TNRC6B: variants seen among roughly 807,000 people sequenced by gnomAD.
The protein encoded by TNRC6B is trinucleotide repeat-containing gene 6B protein.
A neutral mutation model predicts 203.6 loss-of-function variants in TNRC6B; 52 were observed. The ratio of observed to expected loss-of-function variants is 0.26; its 90% CI spans 0.20 to 0.32. The LOEUF (loss-of-function observed/expected upper bound fraction) is 0.32, where lower values mean the gene tolerates loss of function less well. TNRC6B is among the 10% of genes least tolerant of loss of function. The probability of loss-of-function intolerance (pLI) is 1.00; values close to 1 mark genes in which losing one functional copy is unlikely to be tolerated. For synonymous variants in TNRC6B, 838 were observed against 845.7 expected (o/e 0.99, Z 0.16); for missense variants, 1,923 against 2,286.2 (o/e 0.84, Z 3.24).
In TNRC6B at chr22:40,286,114, C is replaced by A. The variant is rs148558382; in HGVS notation, c.3708+344C>A. ...TTGAAACTGCATATAATTAAAACTG[C>A]TTTATAAGTTCTGATGTGTCAATGT... On this transcript the variant is annotated intron_variant, in intron 12 of 22. Coordinates refer to ENST00000454349, the MANE Select transcript of TNRC6B (RefSeq NM_001162501.2). Among the ~76,000 whole-genome samples the A allele has an allele frequency of 2.6e-3, 395 of 152,290 alleles. 4 individuals carry two copies. Among genetic ancestry groups the A allele is most frequent in the Admixed American group, 7.1e-3 (108 of 15,296 alleles).
intron 1 of TNRC6B, among the ~76,000 whole-genome samples, chr22:40,057,015 T>A (rs879458587): frequency 2.6e-5 from 4 of 152,128 alleles, no homozygotes; most frequent in Non-Finnish European, 5.9e-5. Context: ...TGGGTTCTCA[T>A]CTTGGATACC....
In TNRC6B at chr22:40,328,080, CTG is replaced by C. The variant is rs1380766356; in HGVS notation, c.*4842_*4843del. ...GAAAAGAGTTCAGATCTCTGAGACACTGTGAAGAAATGGATGGCTCATGTAAC... is the reference window on the plus strand; with the variant it reads ...GAAAAGAGTTCAGATCTCTGAGACACTGAAGAAATGGATGGCTCATGTAAC... On this transcript the variant is annotated 3_prime_UTR_variant, in exon 23 of 23. Coordinates refer to ENST00000454349, the MANE Select transcript of TNRC6B (RefSeq NM_001162501.2). 2 of 152,182 alleles carry C rather than the reference CTG, an allele frequency of 1.3e-5. No homozygotes were observed. The highest frequency in any genetic ancestry group is 2.9e-5 in the Non-Finnish European group (2 of 68,048). The allele number at this position is 152,182 out of a possible 1,614,324, so 9.4% of individuals were successfully genotyped here.
rs193040820 is a variant in TNRC6B at position 40,178,172 on chromosome 22, A to G, written c.5+32A>G. ...AAATATTTTCAATTTTTTTTAACCA[A>G]TTGATTTATATGGATCTTGTCTAAC... is the stretch of plus-strand genomic sequence containing the variant. On this transcript the variant is annotated intron_variant, in intron 1 of 22. Transcript: ENST00000454349. 829 of 1,611,416 alleles carry G rather than the reference A, an allele frequency of 5.1e-4. 8 individuals are homozygous for G. The African/African-American group carries it at 7.2e-3, about 14-fold the overall frequency.
chr22:40,308,710 A>G, intron 16 of TNRC6B, 61 bp downstream of exon 16: 10 of 1,532,978 alleles, frequency 6.5e-6, no homozygotes, highest in South Asian at 1.3e-5. Context: ...GAAACATCTT[A>G]TAAGACTATT....
chr22:40,212,033 T>G (rs1267121172), intron 1 of TNRC6B, among the ~76,000 whole-genome samples: 1 of 152,232 alleles, frequency 6.6e-6, no homozygotes, highest in South Asian at 2.1e-4. Context: ...AGTAGGTGCC[T>G]TCCATGGTTC....
intron 1 of TNRC6B, among the ~76,000 whole-genome samples, chr22:40,099,457 A>G (rs1205188686): frequency 2.0e-5 from 3 of 152,136 alleles, no homozygotes; most frequent in African/African-American, 7.2e-5. Flanking sequence ...AGCCTCAACA[A>G]GATTAGTACA....
intron 12 of TNRC6B, among the ~76,000 whole-genome samples, chr22:40,296,327 T>A (rs961800069): frequency 4.9e-5 from 5 of 101,468 alleles, no homozygotes; most frequent in Admixed American, 2.7e-4. Context: ...GAATGGTGAA[T>A]TTTTTTTTTT....
intron 1 of TNRC6B, among the ~76,000 whole-genome samples, chr22:40,199,307 T>C (rs1356956412): frequency 6.6e-6 from 1 of 152,104 alleles, no homozygotes; most frequent in Non-Finnish European, 1.5e-5. Context: ...ACTTAATGAT[T>C]ACAAAGGAGA....
At position 40,326,820 on chromosome 22, in the gene TNRC6B, A is replaced by G. The variant is rs1371332569; in HGVS notation, c.*3579A>G. 1 of 152,672 alleles carries G rather than the reference A, an allele frequency of 6.5e-6. No homozygotes were observed. The highest frequency in any genetic ancestry group is 2.4e-5 in the African/African-American group (1 of 41,466). The allele number at this position is 152,672 out of a possible 1,614,324, so 9.5% of individuals were successfully genotyped here. ...AAATTATCTATGGACTGTCCTATTA[A>G]TGAAGAATGTCTGTCTTACCTCCGT... On this transcript the variant is annotated 3_prime_UTR_variant, in exon 23 of 23. Coordinates refer to ENST00000454349, the MANE Select transcript of TNRC6B (RefSeq NM_001162501.2).
chr22:40,215,994 T>C (rs1055619112), intron 1 of TNRC6B, among the ~76,000 whole-genome samples: 1 of 152,226 alleles, frequency 6.6e-6, no homozygotes, highest in African/African-American at 2.4e-5. Context: ...AGAAGAAAAT[T>C]CTTGCAGGGA....
chr22:40,130,309 A>G (rs1042215701), intron 3 of TNRC6B, among the ~76,000 whole-genome samples: 1 of 152,036 alleles, frequency 6.6e-6, no homozygotes. Context: ...GGAGTTTTGG[A>G]GGAGGAAAGA....
chr22:40,213,615 C>T (rs1403505015), intron 1 of TNRC6B, among the ~76,000 whole-genome samples: 1 of 152,116 alleles, frequency 6.6e-6, no homozygotes. Flanking sequence ...TCAAGGGAGA[C>T]ATAATCAGGC....
intron 3 of TNRC6B, among the ~76,000 whole-genome samples, chr22:40,127,262 T>A (rs2068501703): frequency 6.6e-6 from 1 of 152,202 alleles, no homozygotes; most frequent in South Asian, 2.1e-4. Context: ...TCTGCGGGGC[T>A]ATGATCTAGT....
intron 8 of TNRC6B, 70 bp from the exon 9 acceptor site, chr22:40,277,929 G>A (rs2070668045): frequency 1.6e-6 from 2 of 1,233,534 alleles, no homozygotes; most frequent in Non-Finnish European, 2.3e-6. Flanking sequence ...GCTCTCAGGT[G>A]AATAATGCCA....
rs10668307 is a variant in TNRC6B, at chr22:40,160,476, C to CA, written c.113+4309dup. Among the ~76,000 whole-genome samples, 309 of 128,032 alleles carry CA rather than the reference C, an allele frequency of 2.4e-3. 8 individuals carry two copies. Among genetic ancestry groups the CA allele is most frequent in the South Asian group, 5.4e-3 (22 of 4,092 alleles). The allele number at this position is 128,032 out of a possible 152,430, so 84.0% of individuals were successfully genotyped here. On this transcript the variant is annotated intron_variant, in intron 4 of 23. Transcript: ENST00000301923. ...GGGCAACAAGAGTGAAACTCCGTCT[C>CA]AAAAAAAAAAAAAAAGAGATATTTT...
chr22:40,242,470 G>T (rs1204240802), intron 1 of TNRC6B, among the ~76,000 whole-genome samples: 1 of 146,768 alleles, frequency 6.8e-6, no homozygotes, highest in Non-Finnish European at 1.5e-5. Flanking sequence ...CGCTCTTGTT[G>T]CCCAGGCTGG....
intron 3 of TNRC6B, among the ~76,000 whole-genome samples, chr22:40,148,727 T>C (rs999143444): frequency 6.6e-6 from 1 of 152,042 alleles, no homozygotes; most frequent in African/African-American, 2.4e-5. Context: ...TTGACAGAGG[T>C]AATTAAGTTA....
In TNRC6B at chr22:40,312,597, G is replaced by C. The variant is rs188787338; in HGVS notation, c.4528G>C (p.Ala1510Pro). ...VTPGSVLGGT[A>P]TSPIVDTDHQ... ...CCCAGGAAGTGTGCTGGGGGGTACA[G>C]CCACATCTCCCATTGTAGATACTGA... The change falls in exon 18 of 23, where the codon GCC becomes CCC. Residue 1510 changes from alanine to proline, a missense_variant. Ala to Pro is a conservative substitution (Grantham distance 27, BLOSUM62 -1). Coordinates refer to ENST00000454349, the MANE Select transcript of TNRC6B (RefSeq NM_001162501.2). The C allele has an allele frequency of 1.9e-6, 3 of 1,613,888 alleles. No homozygotes were observed. The highest frequency in any genetic ancestry group is 2.5e-6 in the Non-Finnish European group (3 of 1,180,006).
intron 1 of TNRC6B, among the ~76,000 whole-genome samples, chr22:40,084,827 A>G (rs1180502974): frequency 1.3e-5 from 2 of 152,150 alleles, no homozygotes. Flanking sequence ...TTTGAAAGTC[A>G]TGCTCAGGAG....
Sources: gnomAD v4.1 joint callset for allele counts (sites outside exome capture counted in the v4.1 genomes callset) on GRCh38, gnomAD v4.1.1 for gene constraint, MANE v1.5 for transcripts, NCBI Gene and HGNC (gene_info 2026-07-23, HGNC 2026-07-21) for gene names.